The following LIN9 variants were observed in gnomAD, a reference collection of about 807,000 sequenced individuals.
LIN9 encodes protein lin-9 homolog.
Under a neutral mutation model 78.0 loss-of-function variants are expected in LIN9, and 18 were observed. That is an observed-to-expected ratio of 0.23 (90% CI 0.16 to 0.34). LIN9 has a LOEUF of 0.34. LIN9 is among the 10% of genes least tolerant of loss of function. The pLI is 1.00. For missense variants in LIN9, 451 were observed against 644.1 expected, an observed-to-expected ratio of 0.70 and a Z score of 3.25; for synonymous variants, 192 against 215.2, an observed-to-expected ratio of 0.89 and a Z score of 0.94.
intron 8 of LIN9, 111 bp from the exon 9 acceptor site, chr1:226,266,443 T>G: frequency 1.4e-6 from 1 of 731,550 alleles, no homozygotes; most frequent in Admixed American, 3.6e-5. Flanking sequence ...CTATGATTCA[T>G]ATAGAATTTA....
intron 10 of LIN9, among the ~76,000 whole-genome samples, chr1:226,255,078 G>A (rs78678376): frequency 9.7e-4 from 147 of 152,194 alleles, no homozygotes; most frequent in African/African-American, 3.4e-3. Context: ...ACCAGTGCTT[G>A]GGTAGGGAAA....
intron 6 of LIN9, among the ~76,000 whole-genome samples, chr1:226,283,795 A>G (rs566523251): frequency 6.6e-6 from 1 of 152,128 alleles, no homozygotes; most frequent in South Asian, 2.1e-4. Flanking sequence ...TAAAAATACA[A>G]AAGTTAGCCA....
chr1:226,297,396 T>C (rs1259894816), intron 3 of LIN9, among the ~76,000 whole-genome samples: 6 of 152,224 alleles, frequency 3.9e-5, no homozygotes, highest in Admixed American at 3.9e-4. Context: ...AAGATTTTAA[T>C]ACCTTACCAC....
chr1:226,284,492 G>A (rs1411547355), intron 6 of LIN9, among the ~76,000 whole-genome samples: 1 of 152,154 alleles, frequency 6.6e-6, no homozygotes, highest in Non-Finnish European at 1.5e-5. Flanking sequence ...GGGAGGCTGA[G>A]GTGGGTGGAT....
chr1:226,305,854 C>CT (rs1440783093), intron 1 of LIN9, among the ~76,000 whole-genome samples: 1 of 152,090 alleles, frequency 6.6e-6, no homozygotes, highest in Non-Finnish European at 1.5e-5. Context: ...GAAAGGATCC[C>CT]TCTCGCTGTG....
chr1:226,256,479 G>A (rs1340589017), intron 10 of LIN9, among the ~76,000 whole-genome samples: 1 of 151,812 alleles, frequency 6.6e-6, no homozygotes, highest in Non-Finnish European at 1.5e-5. Context: ...AGGGAGGACT[G>A]CTTAAGCCCA....
chr1:226,298,632 G>A (rs1576358060), intron 2 of LIN9, among the ~76,000 whole-genome samples: 2 of 152,190 alleles, frequency 1.3e-5, no homozygotes, highest in African/African-American at 2.4e-5. Flanking sequence ...AGGCCGAGGT[G>A]GGTGGATCAT....
intron 4 of LIN9, among the ~76,000 whole-genome samples, chr1:226,289,133 G>A (rs1661563818): frequency 6.6e-6 from 1 of 152,090 alleles, no homozygotes. Flanking sequence ...TACTCAGGAG[G>A]CTGAGGCAGA....
intron 11 of LIN9, among the ~76,000 whole-genome samples, chr1:226,249,936 G>A (rs1033615887): frequency 2.6e-5 from 4 of 152,110 alleles, no homozygotes; most frequent in South Asian, 4.1e-4. Flanking sequence ...CTGTAATCCC[G>A]AGGTGGGTGG....
chr1:226,309,331 G>A, upstream of LIN9: 1 of 997,758 alleles, frequency 1.0e-6, no homozygotes, highest in South Asian at 4.6e-5. Flanking sequence ...GCCGCCGAAG[G>A]GGGGCCGCGC....
chr1:226,281,540 T>C (rs1237719712), intron 6 of LIN9, among the ~76,000 whole-genome samples: 1 of 152,086 alleles, frequency 6.6e-6, no homozygotes, highest in Non-Finnish European at 1.5e-5. Flanking sequence ...GATATCCCAA[T>C]TACCCTGATT....
At chr1:226,259,267 CTTAATA>C (rs1358275624) in intron 10 of LIN9, among the ~76,000 whole-genome samples, 7 of 152,096 alleles carry the variant, frequency 4.6e-5, no homozygotes, top group African/African-American at 1.4e-4. Context: ...GCCAACAATA[CTTAATA>C]TTTATATGCC....
At chr1:226,234,430 T>C (rs1259528526) in intron 12 of LIN9, among the ~76,000 whole-genome samples, 1 of 152,312 alleles carries the variant, frequency 6.6e-6, no homozygotes, top group East Asian at 1.9e-4. Context: ...TTTTATTCTA[T>C]GGGTTATAAT....
At chr1:226,260,843 C>T (rs1243596971) in intron 10 of LIN9, among the ~76,000 whole-genome samples, 3 of 151,716 alleles carry the variant, frequency 2.0e-5, no homozygotes, top group Non-Finnish European at 4.4e-5. Flanking sequence ...GACGGGGTTT[C>T]ACCATGTTAG....
At chr1:226,233,268 T>A in intron 13 of LIN9, 75 bp from the exon 14 acceptor site, 4 of 1,517,710 alleles carry the variant, frequency 2.6e-6, no homozygotes, top group Non-Finnish European at 3.6e-6. Context: ...ATATAATCAA[T>A]GAATTAATTT....
chr1:226,293,812 C>T lies in LIN9; in HGVS notation c.264+2030G>A, dbSNP rs534036959. On this transcript the variant is annotated intron_variant, in intron 4 of 14. Coordinates refer to ENST00000681046, the MANE Select transcript of LIN9 (RefSeq NM_001366245.2). ...ACATCAAGTGATCCTGCCTTGGCCT[C>T]CCAAAGTGCTGGGATTACAAAATCA... is the stretch of plus-strand genomic sequence containing the variant. Among the ~76,000 whole-genome samples, 74 of 152,230 alleles carry T rather than the reference C, an allele frequency of 4.9e-4. 1 individual carries two copies. Among genetic ancestry groups the T allele is most frequent in the African/African-American group, 1.6e-3 (68 of 41,544 alleles).
chr1:226,296,085 C>T, intron 3 of LIN9, 139 bp from the exon 4 acceptor site: 1 of 570,992 alleles, frequency 1.8e-6, no homozygotes, highest in Non-Finnish European at 3.1e-6. Context: ...CAACACAAAG[C>T]ACACAAAGCC....
intron 11 of LIN9, among the ~76,000 whole-genome samples, chr1:226,247,090 A>G (rs1309975433): frequency 6.6e-6 from 1 of 151,766 alleles, no homozygotes. Context: ...ATCTATTTTA[A>G]ATTACTAGCT....
chr1:226,260,628 G>GTTTTTTTTTTTTTTTTTTTTT lies in LIN9; in HGVS notation c.1038+4884_1038+4904dup, dbSNP rs559460640. Among the ~76,000 whole-genome samples the GTTTTTTTTTTTTTTTTTTTTT allele has an allele frequency of 5.4e-5, 4 of 73,428 alleles. 1 individual carries two copies. The highest frequency in any genetic ancestry group is 2.0e-4 in the African/African-American group (4 of 19,820). The allele number at this position is 73,428 out of a possible 152,430, so 48.2% of individuals were successfully genotyped here. A position where few individuals can be genotyped will look rare whatever the true frequency, so the allele number is the denominator to read the frequency against. ...AGAATTTAAGATCACGGCCAAATGA[G>GTTTTTTTTTTTTTTTTTTTTT]TTTTTTTTTTTTTTTTTTTTTTTTT... On this transcript the variant is annotated intron_variant, in intron 10 of 14. Transcript: ENST00000681046.
Sources: gnomAD v4.1 joint callset for allele counts (sites outside exome capture counted in the v4.1 genomes callset) on GRCh38, gnomAD v4.1.1 for gene constraint, MANE v1.5 for transcripts, NCBI Gene and HGNC (gene_info 2026-07-23, HGNC 2026-07-21) for gene names.